HACD2: variants seen among roughly 807,000 people sequenced by gnomAD.
HACD2 encodes the protein 3-hydroxyacyl-CoA dehydratase 2, also known as very-long-chain (3R)-3-hydroxyacyl-CoA dehydratase 2.
HACD2 carries 15 observed loss-of-function variants against 31.0 expected under a neutral mutation model. The observed-to-expected ratio is 0.48, with a 90% CI of 0.32 to 0.75. HACD2 has a LOEUF of 0.75. HACD2 is among the 30% of genes least tolerant of loss of function. The pLI, the probability that HACD2 is intolerant of heterozygous loss-of-function variation, is 0.03. For synonymous variants in HACD2, 115 were observed against 122.2 expected (o/e 0.94, Z 0.39); for missense variants, 283 against 313.0 (o/e 0.90, Z 0.72).
rs761977435 is a variant in HACD2, at chr3:123,492,173, C to A, written c.*2715G>T. 15 of 152,202 alleles carry A rather than the reference C, an allele frequency of 9.9e-5. No homozygotes were observed. The highest frequency in any genetic ancestry group is 8.5e-4 in the Admixed American group (13 of 15,280). 9.4% of individuals were successfully genotyped at this position (152,202 alleles called of 1,614,324 possible). A position where few individuals can be genotyped will look rare whatever the true frequency, so the allele number is the denominator to read the frequency against. On this transcript the variant is annotated 3_prime_UTR_variant, in exon 7 of 7. Coordinates refer to ENST00000383657, the MANE Select transcript of HACD2 (RefSeq NM_198402.5). Reference sequence around the variant, plus strand: ...CCCAACCTCAGCAAACAGAACGCAGCAAGATGTAGATTAGCAGTCTGTGCT... The same window carrying A: ...CCCAACCTCAGCAAACAGAACGCAGAAAGATGTAGATTAGCAGTCTGTGCT...
At chr3:123,573,537 C>A (rs1236793186) in intron 2 of HACD2, among the ~76,000 whole-genome samples, 2 of 152,156 alleles carry the variant, frequency 1.3e-5, no homozygotes, top group Non-Finnish European at 2.9e-5. Context: ...TAAGACAGCC[C>A]ATCTGCTGCT....
chr3:123,532,228 T>G (rs572690871), intron 3 of HACD2, among the ~76,000 whole-genome samples: 2 of 152,374 alleles, frequency 1.3e-5, no homozygotes, highest in East Asian at 3.9e-4. Context: ...TCTACCGTTC[T>G]CTATCCAGTG....
At chr3:123,507,404 T>C (rs1411301122) in intron 4 of HACD2, among the ~76,000 whole-genome samples, 1 of 152,022 alleles carries the variant, frequency 6.6e-6, no homozygotes, top group Non-Finnish European at 1.5e-5. Context: ...TATATATACC[T>C]GTACAGTGGA....
At chr3:123,526,910 T>C (rs956934398) in intron 4 of HACD2, among the ~76,000 whole-genome samples, 1 of 152,262 alleles carries the variant, frequency 6.6e-6, no homozygotes, top group African/African-American at 2.4e-5. Flanking sequence ...CTACCTGCTT[T>C]GGCAGATGTG....
intron 3 of HACD2, among the ~76,000 whole-genome samples, chr3:123,560,914 G>A (rs371971120): frequency 7.1e-4 from 108 of 152,310 alleles, no homozygotes; most frequent in African/African-American, 2.4e-3. Context: ...CCAGGAGAGA[G>A]AAATTTGGAG....
chr3:123,501,280 CA>C (rs2055899072), intron 5 of HACD2, among the ~76,000 whole-genome samples: 1 of 152,180 alleles, frequency 6.6e-6, no homozygotes, highest in African/African-American at 2.4e-5. Context: ...CCAATCAAAA[CA>C]CCCCACAATT....
rs1192537288 is a variant in HACD2 at position 123,518,191 on chromosome 3, C to CA, written c.381+10194dup. 7.3e-4 allele frequency among the ~76,000 whole-genome samples: 99 copies of CA among 135,360 alleles called. 35 individuals are homozygous for CA. Among genetic ancestry groups the CA allele is most frequent in the African/African-American group, 3.6e-3 (99 of 27,798 alleles). The allele number at this position is 135,360 out of a possible 152,430, so 88.8% of individuals were successfully genotyped here. ...TGGGCGACAGAGCGAGACTCCGTCT[C>CA]AAAAAAAAAAAAAAAAAAAAAAAAA... On this transcript the variant is annotated intron_variant, in intron 4 of 6. Transcript: ENST00000383657.
At chr3:123,516,301 T>C (rs1241813790) in intron 4 of HACD2, among the ~76,000 whole-genome samples, 16 of 151,154 alleles carry the variant, frequency 1.1e-4, no homozygotes, top group Non-Finnish European at 2.2e-4. Context: ...TGGCATGATC[T>C]TCTGCTCACT....
At chr3:123,544,491 T>A (rs1163829963) in intron 3 of HACD2, among the ~76,000 whole-genome samples, 1 of 152,110 alleles carries the variant, frequency 6.6e-6, no homozygotes, top group African/African-American at 2.4e-5. Context: ...AATAAATAAA[T>A]GGCCTCAAGA....
At chr3:123,582,838 C>T (rs1192392062) in intron 1 of HACD2, among the ~76,000 whole-genome samples, 1 of 151,542 alleles carries the variant, frequency 6.6e-6, no homozygotes, top group African/African-American at 2.4e-5. Context: ...ATAAAGGGCT[C>T]TTGCTAAAAA....
At chr3:123,526,236 C>A (rs963544997) in intron 4 of HACD2, among the ~76,000 whole-genome samples, 7 of 152,340 alleles carry the variant, frequency 4.6e-5, no homozygotes, top group South Asian at 2.1e-4. Context: ...GCCACAGCAA[C>A]AGGCTTTTCA....
At chr3:123,530,667 A>G (rs1449631564) in intron 3 of HACD2, among the ~76,000 whole-genome samples, 2 of 151,972 alleles carry the variant, frequency 1.3e-5, no homozygotes, top group Non-Finnish European at 2.9e-5. Flanking sequence ...TTGGCCTCCC[A>G]AAGTGCTGGG....
intron 2 of HACD2, among the ~76,000 whole-genome samples, chr3:123,578,294 G>A (rs1387084951): frequency 6.6e-6 from 1 of 151,434 alleles, no homozygotes; most frequent in African/African-American, 2.4e-5. Context: ...TTTTGGAAAT[G>A]GGGTCTTGCT....
chr3:123,502,269 G>A (rs1322421115), intron 5 of HACD2, among the ~76,000 whole-genome samples: 1 of 152,102 alleles, frequency 6.6e-6, no homozygotes, highest in East Asian at 1.9e-4. Flanking sequence ...AATCTCTATT[G>A]ATTGCTACTT....
At chr3:123,578,428 G>A (rs2056931032) in intron 2 of HACD2, among the ~76,000 whole-genome samples, 1 of 152,004 alleles carries the variant, frequency 6.6e-6, no homozygotes, top group African/African-American at 2.4e-5. Context: ...GTGCTACCAT[G>A]CCTGGCCAAT....
intron 3 of HACD2, among the ~76,000 whole-genome samples, chr3:123,551,367 C>G (rs1271305873): frequency 6.6e-6 from 1 of 151,962 alleles, no homozygotes; most frequent in African/African-American, 2.4e-5. Context: ...ACTTGTAATC[C>G]CAGCACTTTG....
At chr3:123,519,884 T>G (rs2107698270) in intron 4 of HACD2, among the ~76,000 whole-genome samples, 1 of 152,352 alleles carries the variant, frequency 6.6e-6, no homozygotes, top group African/African-American at 2.4e-5. Context: ...CTGACACAGT[T>G]TAACATGCTC....
rs2055781115 is a variant in HACD2 at position 123,492,876 on chromosome 3, T to C, written c.*2012A>G. ...ATGGAAGAATAAAATGAGAGAAAAG[T>C]CATGCAAAAAATCTTTCCCACATAT... On this transcript the variant is annotated 3_prime_UTR_variant, in exon 7 of 7. Coordinates refer to ENST00000383657, the MANE Select transcript of HACD2 (RefSeq NM_198402.5). 1 of 152,156 alleles carries C rather than the reference T, an allele frequency of 6.6e-6. No homozygotes were observed. The highest frequency in any genetic ancestry group is 1.5e-5 in the Non-Finnish European group (1 of 68,006). 9.4% of individuals were successfully genotyped at this position (152,156 alleles called of 1,614,324 possible).
At chr3:123,576,879 A>C (rs142546581) in intron 2 of HACD2, among the ~76,000 whole-genome samples, 8 of 152,348 alleles carry the variant, frequency 5.3e-5, no homozygotes, top group African/African-American at 1.7e-4. Context: ...AGAAATACCC[A>C]AAATCAATTT....
Sources: gnomAD v4.1 joint callset for allele counts (sites outside exome capture counted in the v4.1 genomes callset) on GRCh38, gnomAD v4.1.1 for gene constraint, MANE v1.5 for transcripts, NCBI Gene and HGNC (gene_info 2026-07-23, HGNC 2026-07-21) for gene names.